The following CELF2 variants were observed in gnomAD, a reference collection of about 807,000 sequenced individuals.
The protein encoded by CELF2 is CUG triplet repeat RNA-binding protein 2.
In CELF2, 8 loss-of-function variants were observed where a neutral mutation model predicts 62.6. The observed-to-expected ratio is 0.13, with a 90% CI of 0.07 to 0.23. The LOEUF (loss-of-function observed/expected upper bound fraction) is 0.23, where lower values mean the gene tolerates loss of function less well. Among genes scored for constraint, CELF2 ranks in the 10% least tolerant of loss-of-function variants. The probability of loss-of-function intolerance (pLI) is 1.00; values close to 1 mark genes in which losing one functional copy is unlikely to be tolerated. For missense variants in CELF2, 333 were observed against 671.0 expected (o/e 0.50, Z 5.56); for synonymous variants, 258 against 250.0 (o/e 1.03, Z -0.30).
At chr10:10,927,518 C>T (rs1252542081) in intron 2 of CELF2, among the ~76,000 whole-genome samples, 2 of 152,002 alleles carry the variant, frequency 1.3e-5, no homozygotes, top group Admixed American at 1.3e-4. Flanking sequence ...GCCTCGAACT[C>T]CTGGGCTCAA....
At chr10:10,955,949 C>T (rs541883688) in intron 2 of CELF2, among the ~76,000 whole-genome samples, 3 of 152,252 alleles carry the variant, frequency 2.0e-5, no homozygotes, top group East Asian at 1.9e-4. Flanking sequence ...AACCCGAGCC[C>T]CCTGGTTCCT....
At chr10:10,878,145 C>T (rs1315196659) in intron 1 of CELF2, among the ~76,000 whole-genome samples, 2 of 152,160 alleles carry the variant, frequency 1.3e-5, no homozygotes. Context: ...AACACCACCT[C>T]CTACACTTTC....
At chr10:10,499,237 TC>T in the CELF2 span, among the ~76,000 whole-genome samples, 3 of 152,006 alleles carry the variant, frequency 2.0e-5, no homozygotes, top group African/African-American at 7.3e-5. Context: ...GGTTAATTTT[TC>T]TATTTTTAGT....
chr10:10,598,519 TCA>T, the CELF2 span, among the ~76,000 whole-genome samples: 1 of 152,198 alleles, frequency 6.6e-6, no homozygotes, highest in Non-Finnish European at 1.5e-5. Flanking sequence ...GTTTCTGAAC[TCA>T]TAGTGCATTG....
the CELF2 span, among the ~76,000 whole-genome samples, chr10:10,552,616 G>C: frequency 6.6e-6 from 1 of 152,128 alleles, no homozygotes; most frequent in East Asian, 1.9e-4. Flanking sequence ...GTGTTTTTGT[G>C]GGGGGCGGTG....
At chr10:10,822,382 C>T (rs766109222) in intron 1 of CELF2, among the ~76,000 whole-genome samples, 13 of 152,192 alleles carry the variant, frequency 8.5e-5, no homozygotes, top group Admixed American at 2.0e-4. Flanking sequence ...GATTTCCTTG[C>T]CTCAAGGAGA....
chr10:11,163,981 A>G (rs908032382), intron 1 of CELF2, among the ~76,000 whole-genome samples: 3 of 152,192 alleles, frequency 2.0e-5, no homozygotes, highest in African/African-American at 4.8e-5. Context: ...ATCTTTGTCT[A>G]CCTTCTTGGT....
chr10:10,614,449 T>C, the CELF2 span, among the ~76,000 whole-genome samples: 1 of 152,064 alleles, frequency 6.6e-6, no homozygotes, highest in Admixed American at 6.5e-5. Context: ...TTTTCTGACT[T>C]TAAAGGAAGA....
chr10:11,013,350 G>C (rs7091213), upstream of CELF2, among the ~76,000 whole-genome samples: 581 of 152,320 alleles, frequency 3.8e-3, 5 homozygotes, highest in African/African-American at 0.013. The surrounding 1 kb of genome is among the most constrained non-coding windows in gnomAD (Gnocchi z 4.1). Context: ...AAGTTAGAGA[G>C]GGAAGTGATG....
At chr10:11,078,476 C>G (rs2072860301) in intron 1 of CELF2, among the ~76,000 whole-genome samples, 1 of 152,068 alleles carries the variant, frequency 6.6e-6, no homozygotes, top group East Asian at 1.9e-4. Flanking sequence ...ATGTATTTTT[C>G]CTTGGCCTCA....
chr10:11,332,116 ATTCC>A lies in CELF2; in HGVS notation c.*3067_*3070del, dbSNP rs2096037333. ...AAAGAATTCCTAATGTGCTACTAGAATTCCTTCTTCAGTTTTAACGAGTAATTGG... is the reference window on the plus strand; with the variant it reads ...AAAGAATTCCTAATGTGCTACTAGAATTCTTCAGTTTTAACGAGTAATTGG... On this transcript the variant is annotated 3_prime_UTR_variant, in exon 13 of 13. Coordinates refer to ENST00000633077, the MANE Select transcript of CELF2 (RefSeq NM_001326342.2). 1 of 145,580 alleles carries A rather than the reference ATTCC, an allele frequency of 6.9e-6. No homozygotes were observed. The highest frequency in any genetic ancestry group is 2.8e-5 in the African/African-American group (1 of 35,234). 9.0% of individuals were successfully genotyped at this position (145,580 alleles called of 1,614,324 possible). A position where few individuals can be genotyped will look rare whatever the true frequency, so the allele number is the denominator to read the frequency against.
intron 1 of CELF2, among the ~76,000 whole-genome samples, chr10:11,113,216 T>C (rs7077597): frequency 0.071 from 10,830 of 152,298 alleles, 455 homozygotes; most frequent in African/African-American, 0.11. Context: ...CAAGGTAATA[T>C]ATAAGCACTT....
At chr10:11,193,031 CT>C (rs1299881152) in intron 2 of CELF2, among the ~76,000 whole-genome samples, 1 of 152,184 alleles carries the variant, frequency 6.6e-6, no homozygotes, top group Non-Finnish European at 1.5e-5. Context: ...ATCTTCATGA[CT>C]TTTTTTCTTA....
chr10:11,107,161 G>A (rs541914802), intron 1 of CELF2, among the ~76,000 whole-genome samples: 1 of 152,344 alleles, frequency 6.6e-6, no homozygotes, highest in African/African-American at 2.4e-5. Context: ...CCAGCAATAA[G>A]TGATTGGCGG....
intron 3 of CELF2, among the ~76,000 whole-genome samples, chr10:11,235,506 A>G (rs1399916400): frequency 2.0e-5 from 3 of 152,206 alleles, no homozygotes; most frequent in Non-Finnish European, 4.4e-5. Context: ...ACCAACCAGT[A>G]TTTTCCAAAG....
the CELF2 span, among the ~76,000 whole-genome samples, chr10:10,575,227 C>A: frequency 1.3e-5 from 2 of 152,078 alleles, no homozygotes; most frequent in African/African-American, 4.8e-5. Flanking sequence ...TGAAAGAACA[C>A]AAGAGAACAC....
At chr10:10,481,604 A>G in the CELF2 span, among the ~76,000 whole-genome samples, 1 of 152,216 alleles carries the variant, frequency 6.6e-6, no homozygotes, top group Admixed American at 6.5e-5. Flanking sequence ...TGAAAGAACT[A>G]AAAGTCACAC....
chr10:10,703,487 G>A, the CELF2 span, among the ~76,000 whole-genome samples: 1 of 152,286 alleles, frequency 6.6e-6, no homozygotes, highest in Admixed American at 6.5e-5. Flanking sequence ...GCTCTACGAA[G>A]GATACAGAAT....
At chr10:10,670,719 C>T in the CELF2 span, among the ~76,000 whole-genome samples, 3 of 152,136 alleles carry the variant, frequency 2.0e-5, no homozygotes, top group African/African-American at 7.2e-5. Flanking sequence ...TTTCACTGCC[C>T]TAAAAATCTG....
Sources: gnomAD v4.1 joint callset for allele counts (sites outside exome capture counted in the v4.1 genomes callset) on GRCh38, gnomAD v4.1.1 for gene constraint, Gnocchi (gnomAD v3.1) non-coding constraint, MANE v1.5 for transcripts, NCBI Gene and HGNC (gene_info 2026-07-23, HGNC 2026-07-21) for gene names.